NSUN3: variants seen among roughly 807,000 people sequenced by gnomAD.
NSUN3 encodes the protein NOP2/Sun RNA methyltransferase 3, also known as tRNA (cytosine(34)-C(5))-methyltransferase, mitochondrial.
Under a neutral mutation model 36.8 loss-of-function variants are expected in NSUN3, and 24 were observed. That is an observed-to-expected ratio of 0.65 (90% confidence interval 0.47 to 0.92). The LOEUF (loss-of-function observed/expected upper bound fraction) is 0.92. NSUN3 is among the 40% of genes least tolerant of loss of function. The probability of loss-of-function intolerance (pLI) is 0.00; values close to 1 mark genes in which losing one functional copy is unlikely to be tolerated. For synonymous variants in NSUN3, 146 were observed against 145.2 expected (o/e 1.01, Z -0.04); for missense variants, 381 against 392.8 (o/e 0.97, Z 0.25).
Position 94,094,161 on chromosome 3 carries a change from A to T in NSUN3, c.488A>T (p.Tyr163Phe), listed in dbSNP as rs775333513. 2 of 1,611,644 alleles carry T rather than the reference A, an allele frequency of 1.2e-6. No homozygotes were observed. The highest frequency in any genetic ancestry group is 1.1e-5 in the South Asian group (1 of 90,710). ...TTAGGTTATCTTCATTGTAATGAAT[A>T]TGATAGTCTGAGATTGAGGTGGCTA... The part of the protein sequence containing the change: ...ACPGYLHCNE[Y>F]DSLRLRWLRQ... Residue 163 changes from tyrosine (Y) to phenylalanine (F), a missense_variant, in exon 4 of 6, where the codon TAT becomes TTT. Coordinates refer to ENST00000314622, the MANE Select transcript of NSUN3 (RefSeq NM_022072.5).
At chr3:94,111,964 G>A (rs2077419693) in intron 5 of NSUN3, among the ~76,000 whole-genome samples, 1 of 152,058 alleles carries the variant, frequency 6.6e-6, no homozygotes, top group African/African-American at 2.4e-5. Context: ...GAGATTTAAG[G>A]AACTGGCTTA....
At chr3:94,073,042 G>T (rs2077232262) in intron 2 of NSUN3, among the ~76,000 whole-genome samples, 1 of 152,148 alleles carries the variant, frequency 6.6e-6, no homozygotes, top group Admixed American at 6.5e-5. Context: ...TGATGAGTGA[G>T]AACATGCAGT....
In NSUN3 at chr3:94,100,940, A is replaced by G. The variant is rs547700030; in HGVS notation, c.743+5786A>G. ...ATCTGGCACATTTTTATGAAAATTAATGTCTTATTTGATAAAAGTTTTTTT... is the reference window on the plus strand; with the variant it reads ...ATCTGGCACATTTTTATGAAAATTAGTGTCTTATTTGATAAAAGTTTTTTT... On this transcript the variant is annotated intron_variant, in intron 5 of 5. Transcript: ENST00000314622. Among the ~76,000 whole-genome samples the G allele has an allele frequency of 1.8e-4, 28 of 152,144 alleles. No individual in the cohort carries two copies. The East Asian group carries it at 4.1e-3, about 22-fold the overall frequency.
At chr3:94,101,573 A>G (rs1050023539) in intron 5 of NSUN3, among the ~76,000 whole-genome samples, 10 of 152,198 alleles carry the variant, frequency 6.6e-5, no homozygotes, top group African/African-American at 2.4e-4. Context: ...CACAAAGATA[A>G]AAGTTACATA....
intron 5 of NSUN3, among the ~76,000 whole-genome samples, chr3:94,102,288 C>T (rs533729356): frequency 6.6e-6 from 1 of 150,852 alleles, no homozygotes; most frequent in Admixed American, 6.6e-5. Flanking sequence ...GACTGTGCAG[C>T]ATGGCCTTCA....
intron 2 of NSUN3, among the ~76,000 whole-genome samples, chr3:94,069,819 A>G (rs1005997818): frequency 6.6e-6 from 1 of 152,224 alleles, no homozygotes; most frequent in Non-Finnish European, 1.5e-5. Flanking sequence ...CACTTAGCCA[A>G]GGAGAAAAAT....
chr3:94,124,270 A>G (rs1021137707), intron 5 of NSUN3, among the ~76,000 whole-genome samples: 2 of 144,664 alleles, frequency 1.4e-5, no homozygotes, highest in Admixed American at 7.4e-5. Context: ...CTCCTACCTC[A>G]TCGTCCCAAG....
intron 5 of NSUN3, among the ~76,000 whole-genome samples, chr3:94,107,428 C>T (rs542316386): frequency 3.3e-5 from 5 of 151,702 alleles, no homozygotes; most frequent in Non-Finnish European, 7.4e-5. Context: ...GCTGGGACCA[C>T]AGCATGTGCC....
intron 5 of NSUN3, among the ~76,000 whole-genome samples, chr3:94,111,490 A>T (rs2077417294): frequency 6.6e-6 from 1 of 152,210 alleles, no homozygotes; most frequent in South Asian, 2.1e-4. Context: ...CATTTCTAAT[A>T]CTAAGCTTAA....
At chr3:94,081,686 C>G (rs1428956548) in intron 2 of NSUN3, 2 of 152,066 alleles carry the variant, frequency 1.3e-5, no homozygotes, top group African/African-American at 2.4e-5. Context: ...ATTAATAATC[C>G]TCTTAAACAA....
intron 5 of NSUN3, among the ~76,000 whole-genome samples, chr3:94,102,720 A>G (rs1310475888): frequency 6.6e-6 from 1 of 152,158 alleles, no homozygotes; most frequent in Non-Finnish European, 1.5e-5. Context: ...CAATGAAATG[A>G]TAAAAGATTG....
At chr3:94,063,257 G>C (rs891111969) in intron 1 of NSUN3, 119 bp downstream of exon 1, 2 of 1,011,586 alleles carry the variant, frequency 2.0e-6, no homozygotes, top group Non-Finnish European at 3.1e-6. Flanking sequence ...CCCCTCGCGA[G>C]ATCAGCGTTT....
intron 5 of NSUN3, among the ~76,000 whole-genome samples, chr3:94,096,349 C>G (rs1387857539): frequency 6.6e-6 from 1 of 152,096 alleles, no homozygotes; most frequent in Non-Finnish European, 1.5e-5. Context: ...TGATGTCCAC[C>G]TTTCATGTAA....
intron 4 of NSUN3, among the ~76,000 whole-genome samples, chr3:94,094,721 G>A (rs547884804): frequency 1.6e-4 from 25 of 152,246 alleles, no homozygotes; most frequent in Admixed American, 3.3e-4. Context: ...ATTACAATGA[G>A]TAACTTTTGT....
At chr3:94,074,197 A>C (rs2077237411) in intron 2 of NSUN3, among the ~76,000 whole-genome samples, 1 of 152,190 alleles carries the variant, frequency 6.6e-6, no homozygotes, top group Non-Finnish European at 1.5e-5. Context: ...CGTTTTGGTT[A>C]CTGTAGCCTT....
chr3:94,071,320 C>T (rs1320770615), intron 2 of NSUN3, among the ~76,000 whole-genome samples: 1 of 151,966 alleles, frequency 6.6e-6, no homozygotes, highest in Non-Finnish European at 1.5e-5. Flanking sequence ...GCTAGAGAAG[C>T]ATGATAGGGT....
chr3:94,107,746 TATCTCA>T (rs2077396123), intron 5 of NSUN3, among the ~76,000 whole-genome samples: 1 of 152,130 alleles, frequency 6.6e-6, no homozygotes, highest in Non-Finnish European at 1.5e-5. Flanking sequence ...GGGGACACCA[TATCTCA>T]ATTTTAAAAC....
Position 94,083,778 on chromosome 3 carries a change from A to G in NSUN3, c.123-329A>G, listed in dbSNP as rs377308484. On this transcript the variant is annotated intron_variant, in intron 2 of 5. Coordinates refer to ENST00000314622, the MANE Select transcript of NSUN3 (RefSeq NM_022072.5). ...CCTTTCAATTTAGTTCTCGGAAGTC[A>G]GTATGAAATGGCCTTAGGTTCCTTG... Among the ~76,000 whole-genome samples, 14 of 152,324 alleles carry G rather than the reference A, an allele frequency of 9.2e-5. No individual in the cohort carries two copies. In the East Asian group the frequency reaches 2.1e-3, roughly 23 times the overall value.
chr3:94,084,324 T>C lies in NSUN3; in HGVS notation c.340T>C (p.Tyr114His). The change falls in exon 3 of 6, where the codon TAT becomes CAT. Residue 114 changes from tyrosine to histidine, a missense_variant. Physicochemically the swap from Tyr to His is moderately conservative, Grantham distance 83. Coordinates refer to ENST00000314622, the MANE Select transcript of NSUN3 (RefSeq NM_022072.5). Reference protein sequence around the residue: ...RHQIGNLKKYYLLNAASLLPV... With the variant: ...RHQIGNLKKYHLLNAASLLPV... Reference sequence around the variant, plus strand: ...CCAAATTGGAAACCTGAAAAAATATTATCTCCTAAATGCTGCTTCTCTTCT... The same window carrying C: ...CCAAATTGGAAACCTGAAAAAATATCATCTCCTAAATGCTGCTTCTCTTCT... 2 of 1,614,110 alleles carry C rather than the reference T, an allele frequency of 1.2e-6. No homozygotes were observed. The highest frequency in any genetic ancestry group is 1.7e-6 in the Non-Finnish European group (2 of 1,180,000).
Sources: allele counts gnomAD v4.1 joint callset (sites outside exome capture counted in the v4.1 genomes callset), GRCh38; gene constraint gnomAD v4.1.1; transcripts MANE v1.5; gene names NCBI Gene and HGNC (gene_info 2026-07-23, HGNC 2026-07-21).